The following LAMC3 variants were observed in gnomAD, a reference collection of about 807,000 sequenced individuals.
LAMC3 encodes the protein laminin subunit gamma-3.
Under a neutral mutation model 173.8 loss-of-function variants are expected in LAMC3, and 128 were observed. The observed-to-expected ratio is 0.74, with a 90% confidence interval of 0.64 to 0.85. LAMC3 has a LOEUF of 0.85. Among genes scored for constraint, LAMC3 ranks in the 40% least tolerant of loss-of-function variants. The pLI is 0.00. For missense variants in LAMC3, 2,022 were observed against 2,156.0 expected (o/e 0.94, Z 1.23); for synonymous variants, 897 against 909.1 (o/e 0.99, Z 0.24).
chr9:131,063,083 G>A (rs371158419), intron 13 of LAMC3, among the ~76,000 whole-genome samples: 2 of 152,226 alleles, frequency 1.3e-5, no homozygotes, highest in South Asian at 2.1e-4. Context: ...CTTTTGGTAC[G>A]TGTGGCTGCA....
At chr9:131,028,408 G>A (rs578014128) in intron 2 of LAMC3, among the ~76,000 whole-genome samples, 4 of 152,272 alleles carry the variant, frequency 2.6e-5, no homozygotes, top group East Asian at 3.9e-4. Flanking sequence ...CTTTCAGAGC[G>A]TCTCCTTTGC....
chr9:131,033,182 G>A (rs1476380480), intron 3 of LAMC3, among the ~76,000 whole-genome samples: 2 of 152,228 alleles, frequency 1.3e-5, no homozygotes, highest in African/African-American at 2.4e-5. Flanking sequence ...GGCCTGTCTC[G>A]CACATGGCCA....
intron 7 of LAMC3, among the ~76,000 whole-genome samples, chr9:131,045,247 A>AAC (rs1834131999): frequency 4.7e-5 from 3 of 63,884 alleles, no homozygotes; most frequent in Non-Finnish European, 1.1e-4. Flanking sequence ...CAACAACAAC[A>AAC]AAAAAACAAA....
rs2133325557 is a variant in LAMC3, at chr9:131,072,731, C to A, written c.3313C>A (p.Gln1105Lys). Residue 1105 changes from glutamine (Q) to lysine (K), a missense_variant, in exon 19 of 28, where the codon CAG (glutamine) becomes AAG (lysine). Gln to Lys is a moderately conservative substitution (Grantham distance 53). Coordinates refer to ENST00000361069, the MANE Select transcript of LAMC3 (RefSeq NM_006059.4). ...QRLNKGARCA[Q>K]AGSQKTCTQL... ...GCTGAACAAGGGTGCCCGCTGTGCC[C>A]AGGCCGGATCCCAGAAGACCTGCAC... is the stretch of plus-strand genomic sequence containing the variant. 1 of 1,612,742 alleles carries A rather than the reference C, an allele frequency of 6.2e-7. No individual in the cohort carries two copies. The highest frequency in any genetic ancestry group is 1.3e-5 in the African/African-American group (1 of 75,020).
In LAMC3 at chr9:131,012,047, G is replaced by A. The variant is rs1049674083; in HGVS notation, c.373+2460G>A. ...CCTCCACACTGTGAATGTAGAGAGC[G>A]AACACACACACACATACACACACAC... is the stretch of plus-strand genomic sequence containing the variant. On this transcript the variant is annotated intron_variant, in intron 1 of 27. Transcript: ENST00000361069. Among the ~76,000 whole-genome samples, 32 of 103,940 alleles carry A rather than the reference G, an allele frequency of 3.1e-4. 1 individual carries two copies. In the South Asian group the frequency reaches 9.0e-3, roughly 29 times the overall value. The allele number at this position is 103,940 out of a possible 152,430, so 68.2% of individuals were successfully genotyped here.
In LAMC3 at chr9:131,023,078, A is replaced by G. The variant is rs546480180; in HGVS notation, c.374-3207A>G. ...CTGCCACTTAACGTTCTCGTGGTTC[A>G]TTCTTGTGGTTGCGTGTGTCAGCAC... is the stretch of plus-strand genomic sequence containing the variant. On this transcript the variant is annotated intron_variant, in intron 1 of 27. Transcript: ENST00000361069. Among the ~76,000 whole-genome samples, 308 of 152,228 alleles carry G rather than the reference A, an allele frequency of 2.0e-3. 1 individual carries two copies. The highest frequency in any genetic ancestry group is 7.1e-3 in the African/African-American group (294 of 41,550).
chr9:131,036,123 C>A, intron 3 of LAMC3, 43 bp from the exon 4 acceptor site: 1 of 1,608,450 alleles, frequency 6.2e-7, no homozygotes, highest in Non-Finnish European at 8.5e-7. Flanking sequence ...GTCTGCCCTG[C>A]CGGCACCTGC....
At chr9:131,084,666 G>A (rs1830299053) in intron 24 of LAMC3, among the ~76,000 whole-genome samples, 1 of 152,094 alleles carries the variant, frequency 6.6e-6, no homozygotes, top group Admixed American at 6.6e-5. Flanking sequence ...GGAAGCCAAG[G>A]TGGGTGGATC....
chr9:131,081,929 A>G, intron 23 of LAMC3, 130 bp from the exon 24 acceptor site: 1 of 702,112 alleles, frequency 1.4e-6, no homozygotes, highest in African/African-American at 1.8e-5. Context: ...CCTGGTGGAC[A>G]GCGTGACCCA....
chr9:131,027,161 C>T (rs915463378), intron 2 of LAMC3, among the ~76,000 whole-genome samples: 1 of 152,236 alleles, frequency 6.6e-6, no homozygotes, highest in African/African-American at 2.4e-5. Context: ...AGCCCTGTGG[C>T]TCCCAGGAGC....
At chr9:131,077,676 CAAAAAAAAAAAAAAAAAAAAAAAA>C (rs56320740) in intron 22 of LAMC3, among the ~76,000 whole-genome samples, 2 of 27,710 alleles carry the variant, frequency 7.2e-5, no homozygotes, top group Non-Finnish European at 1.2e-4. Context: ...GACTCCATCT[CAAAAAAAAAAAAAAAAAAAAAAAA>C]AAAAAAAAAA....
chr9:131,074,549 A>G (rs1830090158), intron 20 of LAMC3, among the ~76,000 whole-genome samples: 1 of 151,108 alleles, frequency 6.6e-6, no homozygotes, highest in Admixed American at 6.6e-5. Flanking sequence ...TACATAAATT[A>G]GCCAGGCATG....
intron 1 of LAMC3, among the ~76,000 whole-genome samples, chr9:131,018,774 C>G (rs942691026): frequency 2.0e-5 from 3 of 152,234 alleles, no homozygotes; most frequent in African/African-American, 4.8e-5. Flanking sequence ...TCCTCCCTCT[C>G]CATGCTCCTG....
At chr9:131,067,240 T>C (rs1371057917) in intron 14 of LAMC3, 35 bp downstream of exon 14, 3 of 1,609,888 alleles carry the variant, frequency 1.9e-6, no homozygotes, top group African/African-American at 2.7e-5. Flanking sequence ...GGGTGGCACA[T>C]GGTGGGCCCC....
At chr9:131,085,381 C>A in intron 24 of LAMC3, 143 bp from the exon 25 acceptor site, 2 of 774,214 alleles carry the variant, frequency 2.6e-6, no homozygotes, top group Non-Finnish European at 2.3e-6. Context: ...CCTGAGAAGG[C>A]GATATGCACG....
At chr9:131,064,737 GA>G (rs1440433272) in intron 13 of LAMC3, among the ~76,000 whole-genome samples, 1 of 148,114 alleles carries the variant, frequency 6.8e-6, no homozygotes, top group African/African-American at 2.5e-5. Context: ...AGAGGAACAT[GA>G]AAAAAACATG....
rs1833783396 is a variant in LAMC3, at chr9:131,029,264, T to C, written c.678+2675T>C. On this transcript the variant is annotated intron_variant, in intron 2 of 27. Transcript: ENST00000361069. The surrounding 1 kb of genome is among the most constrained non-coding windows in gnomAD (Gnocchi z 4.6). ...ACATCTCTAGACGTCCAGGCCCTGCTTGTCCCACTAAAATTGTACATGTCA... is the reference window on the plus strand; with the variant it reads ...ACATCTCTAGACGTCCAGGCCCTGCCTGTCCCACTAAAATTGTACATGTCA... 6.6e-6 allele frequency among the ~76,000 whole-genome samples: 1 copy of C among 152,254 alleles called. No homozygotes were observed. Among genetic ancestry groups the C allele is most frequent in the Non-Finnish European group, 1.5e-5 (1 of 68,036 alleles).
chr9:131,091,446 C>A, intron 27 of LAMC3, 91 bp from the exon 28 acceptor site: 2 of 1,508,286 alleles, frequency 1.3e-6, no homozygotes, highest in Non-Finnish European at 1.8e-6. Flanking sequence ...TCCTGGGAGG[C>A]CTGAGCTGGG....
Position 131,032,025 on chromosome 9 carries a change from C to G in LAMC3, c.679-20C>G. 1 of 1,614,132 alleles carries G rather than the reference C, an allele frequency of 6.2e-7. No homozygotes were observed. The highest frequency in any genetic ancestry group is 8.5e-7 in the Non-Finnish European group (1 of 1,180,010). ...AATACTCAGGAACCTGCTGATGGCA[C>G]CCTCTCCCCTCTGCCCCAGGAGTGG... On this transcript the variant is annotated intron_variant, in intron 2 of 27. Coordinates refer to ENST00000361069, the MANE Select transcript of LAMC3 (RefSeq NM_006059.4).
Sources: allele counts gnomAD v4.1 joint callset (sites outside exome capture counted in the v4.1 genomes callset), GRCh38; gene constraint gnomAD v4.1.1; non-coding constraint Gnocchi (gnomAD v3.1); transcripts MANE v1.5; gene names NCBI Gene and HGNC (gene_info 2026-07-23, HGNC 2026-07-21).